The following ADAM29 variants were observed in gnomAD, a reference collection of about 807,000 sequenced individuals.
ADAM29 encodes the protein disintegrin and metalloproteinase domain-containing protein 29.
For missense variants in ADAM29, 969 were observed against 1,001.8 expected (o/e 0.97, Z 0.44); for synonymous variants, 367 against 342.3 (o/e 1.07, Z -0.80).
At chr4:174,967,708 T>C (rs1746230775) in intron 4 of ADAM29, among the ~76,000 whole-genome samples, 1 of 152,186 alleles carries the variant, frequency 6.6e-6, no homozygotes, top group Non-Finnish European at 1.5e-5. Context: ...GTTTGGCTCA[T>C]CCAAGAAGGT....
chr4:174,942,975 A>G (rs1744627989), intron 4 of ADAM29, among the ~76,000 whole-genome samples: 1 of 152,196 alleles, frequency 6.6e-6, no homozygotes. Flanking sequence ...CTGCTTAGAA[A>G]TTTCTTCTGT....
Position 174,928,569 on chromosome 4 carries a change from T to TAAAAAA in ADAM29, c.-450-2410_-450-2405dup, listed in dbSNP as rs70947474. 6.8e-5 allele frequency among the ~76,000 whole-genome samples: 9 copies of TAAAAAA among 131,832 alleles called. 1 individual carries two copies. Among genetic ancestry groups the TAAAAAA allele is most frequent in the East Asian group, 4.5e-4 (2 of 4,432 alleles). The allele number at this position is 131,832 out of a possible 152,430, so 86.5% of individuals were successfully genotyped here. ...CTCTACAAATTCCCTGTCATGTGCT[T>TAAAAAA]AAAAAAAAAAAAGACACCAGCCAGA... On this transcript the variant is annotated intron_variant, in intron 2 of 4. Coordinates refer to ENST00000359240, the MANE Select transcript of ADAM29 (RefSeq NM_014269.4).
At chr4:174,936,902 T>C (rs1165514985) in intron 3 of ADAM29, 31 bp from the exon 4 acceptor site, 1 of 152,010 alleles carries the variant, frequency 6.6e-6, no homozygotes, top group African/African-American at 2.4e-5. Context: ...TGTGATAATA[T>C]TTTAAATATA....
At chr4:174,925,014 A>G (rs956290038) in intron 2 of ADAM29, among the ~76,000 whole-genome samples, 1 of 152,200 alleles carries the variant, frequency 6.6e-6, no homozygotes, top group African/African-American at 2.4e-5. Flanking sequence ...TGGCCTTCCA[A>G]ATATGTATAA....
chr4:174,942,612 A>G (rs1418702592), intron 4 of ADAM29, among the ~76,000 whole-genome samples: 1 of 152,064 alleles, frequency 6.6e-6, no homozygotes, highest in Non-Finnish European at 1.5e-5. Flanking sequence ...GGCTTCACAG[A>G]GCAGTTGGGC....
intron 4 of ADAM29, among the ~76,000 whole-genome samples, chr4:174,956,144 C>T (rs1340943219): frequency 6.6e-6 from 1 of 152,000 alleles, no homozygotes; most frequent in African/African-American, 2.4e-5. Flanking sequence ...ATATCTCTTA[C>T]TGAGACGCTT....
At chr4:174,934,705 C>T (rs1744101787) in intron 3 of ADAM29, among the ~76,000 whole-genome samples, 3 of 152,136 alleles carry the variant, frequency 2.0e-5, no homozygotes. Context: ...TGGGGTTTCC[C>T]ATCTTCCGCA....
At position 174,975,383 on chromosome 4, in the gene ADAM29, G is replaced by A. The variant is rs575293511; in HGVS notation, c.-143G>A. ...GATGGTTCAACTCTGCCAAAAGATG[G>A]ATCTTTAATGATTAGCACTACACAC... is the stretch of plus-strand genomic sequence containing the variant. On this transcript the variant is annotated 5_prime_UTR_variant, in exon 5 of 5. Transcript: ENST00000359240. 49 of 637,548 alleles carry A rather than the reference G, an allele frequency of 7.7e-5. No homozygotes were observed. The highest frequency in any genetic ancestry group is 7.2e-4 in the African/African-American group (39 of 54,136). The allele number at this position is 637,548 out of a possible 1,614,324, so 39.5% of individuals were successfully genotyped here.
intron 3 of ADAM29, 92 bp from the exon 4 acceptor site, chr4:174,936,841 A>C (rs1473878095): frequency 6.6e-6 from 1 of 151,932 alleles, no homozygotes; most frequent in Non-Finnish European, 1.5e-5. Flanking sequence ...GATCTCGTTC[A>C]GTTTAAAAGA....
At chr4:174,938,026 G>C (rs910912100) in intron 4 of ADAM29, among the ~76,000 whole-genome samples, 1 of 152,168 alleles carries the variant, frequency 6.6e-6, no homozygotes. Context: ...GATGATGAAA[G>C]ATTTTCATGA....
At position 174,976,943 on chromosome 4, in the gene ADAM29, A is replaced by G. The variant is rs752312560; in HGVS notation, c.1418A>G (p.His473Arg). ...CCAGAGTGGTGCAATGGTACTTCCC[A>G]TAAGTGCCCAGATGACTTTTATGTG... ...DLPEWCNGTS[H>R]KCPDDFYVED... The change falls in exon 5 of 5, where the codon CAT becomes CGT. Residue 473 changes from histidine (H) to arginine (R), a missense_variant. His to Arg is a conservative substitution (Grantham distance 29, BLOSUM62 0). Coordinates refer to ENST00000359240, the MANE Select transcript of ADAM29 (RefSeq NM_014269.4). The G allele has an allele frequency of 6.2e-7, 1 of 1,614,146 alleles. No homozygotes were observed. The highest frequency in any genetic ancestry group is 8.5e-7 in the Non-Finnish European group (1 of 1,180,024).
chr4:174,926,938 C>T (rs1202440048), intron 2 of ADAM29, among the ~76,000 whole-genome samples: 3 of 151,486 alleles, frequency 2.0e-5, no homozygotes, highest in Non-Finnish European at 4.4e-5. Flanking sequence ...ATACAAAAAA[C>T]AATACAAACT....
At chr4:174,962,168 G>C (rs1187556574) in intron 4 of ADAM29, among the ~76,000 whole-genome samples, 1 of 152,172 alleles carries the variant, frequency 6.6e-6, no homozygotes, top group Non-Finnish European at 1.5e-5. Flanking sequence ...TGTAAAGTTT[G>C]CATCTGAAAT....
chr4:174,976,929 C>A lies in ADAM29; in HGVS notation c.1404C>A (p.Cys468Ter), dbSNP rs1746854034. The change falls in exon 5 of 5, where the codon TGC (cysteine) becomes TGA (stop). Residue 468 changes from cysteine (C) to a stop codon, truncating the protein, a stop_gained. Coordinates refer to ENST00000359240, the MANE Select transcript of ADAM29 (RefSeq NM_014269.4). LOFTEE classifies it low-confidence loss of function (END_TRUNC). ...ATGAATGTGATCTTCCAGAGTGGTG[C>A]AATGGTACTTCCCATAAGTGCCCAG... is the stretch of plus-strand genomic sequence containing the variant. ...EVNECDLPEW[C>*]NGTSHKCPDD... 1 of 1,613,904 alleles carries A rather than the reference C, an allele frequency of 6.2e-7. No homozygotes were observed. The highest frequency in any genetic ancestry group is 8.5e-7 in the Non-Finnish European group (1 of 1,179,980).
chr4:174,924,628 T>G (rs1353386527), intron 2 of ADAM29, among the ~76,000 whole-genome samples: 1 of 152,088 alleles, frequency 6.6e-6, no homozygotes, highest in Non-Finnish European at 1.5e-5. Flanking sequence ...TGTTTAGTGA[T>G]AAAAAGAAAT....
chr4:174,950,019 G>A (rs1423170509), intron 4 of ADAM29, among the ~76,000 whole-genome samples: 2 of 151,836 alleles, frequency 1.3e-5, no homozygotes, highest in African/African-American at 4.8e-5. Flanking sequence ...AACCTATCTT[G>A]GATCTATTCA....
chr4:174,952,351 C>A (rs993012732), intron 4 of ADAM29, among the ~76,000 whole-genome samples: 5 of 49,688 alleles, frequency 1.0e-4, no homozygotes, highest in Non-Finnish European at 1.7e-4. Flanking sequence ...GTGCAATAAC[C>A]ACACACACAC....
chr4:174,944,841 T>G (rs970002888), intron 4 of ADAM29, among the ~76,000 whole-genome samples: 1 of 152,246 alleles, frequency 6.6e-6, no homozygotes, highest in Admixed American at 6.5e-5. Context: ...TCTGCCTATG[T>G]GTTCTCAAAG....
intron 4 of ADAM29, among the ~76,000 whole-genome samples, chr4:174,960,942 G>A (rs1745780109): frequency 6.6e-6 from 1 of 152,082 alleles, no homozygotes; most frequent in African/African-American, 2.4e-5. Context: ...GATAAGAACT[G>A]TCTCCTTTGC....
Sources: gnomAD v4.1 joint callset for allele counts (sites outside exome capture counted in the v4.1 genomes callset) on GRCh38, gnomAD v4.1.1 for gene constraint, MANE v1.5 for transcripts, NCBI Gene and HGNC (gene_info 2026-07-23, HGNC 2026-07-21) for gene names.